The following SGSM2 variants were observed in gnomAD, a reference collection of about 807,000 sequenced individuals.
SGSM2 encodes the protein RUN and TBC1 domain containing 1.
In SGSM2, 89 loss-of-function variants were observed where a neutral mutation model predicts 126.6. That is an observed-to-expected ratio of 0.70 (90% CI 0.59 to 0.84). The LOEUF (loss-of-function observed/expected upper bound fraction) is 0.84. Among genes scored for constraint, SGSM2 ranks in the 40% least tolerant of loss-of-function variants. SGSM2 has a pLI of 0.00. For synonymous variants in SGSM2, 614 were observed against 574.3 expected, an observed-to-expected ratio of 1.07 and a Z score of -0.99; for missense variants, 1,404 against 1,416.6, an observed-to-expected ratio of 0.99 and a Z score of 0.14.
intron 1 of SGSM2, among the ~76,000 whole-genome samples, chr17:2,340,608 G>GCAA (rs1597296244): frequency 6.8e-6 from 1 of 147,138 alleles, no homozygotes; most frequent in East Asian, 2.0e-4. Flanking sequence ...TTTTTGAGAT[G>GCAA]GAGTCTCGCT....
intron 2 of SGSM2, among the ~76,000 whole-genome samples, chr17:2,349,788 G>GATTTTT (rs138851417): frequency 6.8e-6 from 1 of 147,516 alleles, no homozygotes; most frequent in African/African-American, 2.5e-5. Context: ...CTAGTGAAAT[G>GATTTTT]TTTTGTTTTT....
intron 1 of SGSM2, among the ~76,000 whole-genome samples, chr17:2,339,058 CAAAAA>C (rs1166275303): frequency 7.4e-6 from 1 of 135,032 alleles, no homozygotes; most frequent in African/African-American, 2.7e-5. Flanking sequence ...GACTCCGTCT[CAAAAA>C]AAAAAAAGTT....
Position 2,380,037 on chromosome 17 carries a change from TGCGGGAGACCCGGGC to T in SGSM2, c.*518_*532del. Reference sequence around the variant, plus strand: ...TTCTGGTTTAGGCACACGTCACGGGTGCGGGAGACCCGGGCACGGGAGACCCGGGCCGCCTTCAGG... The same window carrying T: ...TTCTGGTTTAGGCACACGTCACGGGTACGGGAGACCCGGGCCGCCTTCAGG... On this transcript the variant is annotated 3_prime_UTR_variant, in exon 24 of 24. Coordinates refer to ENST00000268989, the MANE Select transcript of SGSM2 (RefSeq NM_014853.3). 7.8e-6 allele frequency: 11 copies of T among 1,406,972 alleles called. No individual in the cohort carries two copies. Among genetic ancestry groups the T allele is most frequent in the South Asian group, 1.6e-5 (1 of 63,274 alleles). 87.2% of individuals were successfully genotyped at this position (1,406,972 alleles called of 1,614,324 possible). A position where few individuals can be genotyped will look rare whatever the true frequency, so the allele number is the denominator to read the frequency against.
chr17:2,343,833 C>T (rs113570045), intron 2 of SGSM2, among the ~76,000 whole-genome samples: 3 of 152,184 alleles, frequency 2.0e-5, no homozygotes, highest in African/African-American at 7.2e-5. Context: ...TTTTTTGTTC[C>T]CCAGGATAGT....
rs2065673284 is a variant in SGSM2, at chr17:2,367,951, G to T, written c.1423+546G>T. Among the ~76,000 whole-genome samples, 1 of 152,228 alleles carries T rather than the reference G, an allele frequency of 6.6e-6. No individual in the cohort carries two copies. The highest frequency in any genetic ancestry group is 2.4e-5 in the African/African-American group (1 of 41,462). ...AGGCCTGAGGGCCCCAGCCGGCAGG[G>T]CCTGGTACTTTGGCATGAAATCTAG... On this transcript the variant is annotated intron_variant, in intron 12 of 23. Transcript: ENST00000268989. The surrounding 1 kb of genome is among the most constrained non-coding windows in gnomAD (Gnocchi z 4.0).
At position 2,372,642 on chromosome 17, in the gene SGSM2, C is replaced by A; in HGVS notation, c.1788+154C>A. ...CCCGGCAGAATCTCTTGCAGCTGGGCCTGGGGCTGACACGGGAAGGGGGCT... is the reference window on the plus strand; with the variant it reads ...CCCGGCAGAATCTCTTGCAGCTGGGACTGGGGCTGACACGGGAAGGGGGCT... On this transcript the variant is annotated intron_variant, in intron 15 of 23. Transcript: ENST00000268989. This position sits in a 1 kb window ranked among gnomAD's most constrained non-coding sequence, Gnocchi z 6.0. 1 of 1,131,688 alleles carries A rather than the reference C, an allele frequency of 8.8e-7. No individual in the cohort carries two copies. The highest frequency in any genetic ancestry group is 1.3e-6 in the Non-Finnish European group (1 of 791,570). The allele number at this position is 1,131,688 out of a possible 1,614,324, so 70.1% of individuals were successfully genotyped here.
chr17:2,363,349 G>A lies in SGSM2; in HGVS notation c.673-116G>A, dbSNP rs551449698. ...AGCAGAGGGTGGCTGGGAGTAAACC[G>A]GGGCAGGAAGGACCCCTGGGGTCAG... On this transcript the variant is annotated intron_variant, in intron 6 of 23. Coordinates refer to ENST00000268989, the MANE Select transcript of SGSM2 (RefSeq NM_014853.3). The surrounding 1 kb of genome is among the most constrained non-coding windows in gnomAD (Gnocchi z 4.2). 5.1e-5 allele frequency: 77 copies of A among 1,502,006 alleles called. No homozygotes were observed. Among genetic ancestry groups the A allele is most frequent in the African/African-American group, 3.5e-4 (25 of 71,998 alleles). The allele number at this position is 1,502,006 out of a possible 1,614,324, so 93.0% of individuals were successfully genotyped here.
chr17:2,338,668 A>G (rs993354242), intron 1 of SGSM2, among the ~76,000 whole-genome samples: 1 of 151,770 alleles, frequency 6.6e-6, no homozygotes, highest in Non-Finnish European at 1.5e-5. Context: ...TTGGTAAATA[A>G]ATGTGCTGAT....
chr17:2,362,847 C>A lies in SGSM2; in HGVS notation c.468C>A (p.Tyr156Ter). The change falls in exon 5 of 24, where the codon TAC (tyrosine) becomes TAA (stop). Residue 156 changes from tyrosine to a stop codon, truncating the protein, a stop_gained. Transcript: ENST00000268989. LOFTEE classifies it high-confidence loss of function. The surrounding 1 kb of genome is among the most constrained non-coding windows in gnomAD (Gnocchi z 4.9). Reference sequence around the variant, plus strand: ...GTCTGTCTCCTGGCAGCAAGTACTACGAGAAGGAGGCACTGCTGGCAGACC... The same window carrying A: ...GTCTGTCTCCTGGCAGCAAGTACTAAGAGAAGGAGGCACTGCTGGCAGACC... ...QYLAENCSKY[Y>*]EKEALLADPV... 6.2e-7 allele frequency: 1 copy of A among 1,614,074 alleles called. No homozygotes were observed. The highest frequency in any genetic ancestry group is 8.5e-7 in the Non-Finnish European group (1 of 1,180,028).
rs1435703817 is a variant in SGSM2 at position 2,363,802 on chromosome 17, G to A, written c.807+203G>A. The stretch of plus-strand genomic sequence containing the variant: ...ACAGGAATGGCAGCCAGCAGGCGAG[G>A]GGAGTCCGCAGTGTGGGTATGGCTG... On this transcript the variant is annotated intron_variant, in intron 7 of 23. Coordinates refer to ENST00000268989, the MANE Select transcript of SGSM2 (RefSeq NM_014853.3). This position sits in a 1 kb window ranked among gnomAD's most constrained non-coding sequence, Gnocchi z 4.2. The A allele has an allele frequency of 3.4e-6, 3 of 872,294 alleles. No homozygotes were observed. Among genetic ancestry groups the A allele is most frequent in the Non-Finnish European group, 5.2e-6 (3 of 580,460 alleles). 54.0% of individuals were successfully genotyped at this position (872,294 alleles called of 1,614,324 possible). A position where few individuals can be genotyped will look rare whatever the true frequency, so the allele number is the denominator to read the frequency against.
Position 2,337,763 on chromosome 17 carries a change from A to T in SGSM2, c.57+18A>T, listed in dbSNP as rs550595255. On this transcript the variant is annotated intron_variant, in intron 1 of 23. Transcript: ENST00000268989. This position sits in a 1 kb window ranked among gnomAD's most constrained non-coding sequence, Gnocchi z 5.1. The stretch of plus-strand genomic sequence containing the variant: ...AGAAGGAGGTAAAGTCGAGTCAAGA[A>T]CCCCGGGGGGCTCGCGCCCTGGCCC... 1 of 1,511,958 alleles carries T rather than the reference A, an allele frequency of 6.6e-7. No homozygotes were observed. The highest frequency in any genetic ancestry group is 2.0e-5 in the Admixed American group (1 of 50,174). 93.7% of individuals were successfully genotyped at this position (1,511,958 alleles called of 1,614,324 possible).
At position 2,379,139 on chromosome 17, in the gene SGSM2, G is replaced by GGCC; in HGVS notation, c.3004_3006dup (p.Ala1002dup). On this transcript the variant is annotated inframe_insertion, in exon 23 of 24. Transcript: ENST00000268989. ...TGTTCATCGCCCTCGCCCTGGTGGAGGCCTACCGAGAGATCATCCGTGACA... is the reference window on the plus strand; with the variant it reads ...TGTTCATCGCCCTCGCCCTGGTGGAGGCCGCCTACCGAGAGATCATCCGTGACA... The GGCC allele has an allele frequency of 6.2e-7, 1 of 1,614,174 alleles. No homozygotes were observed. Among genetic ancestry groups the GGCC allele is most frequent in the Non-Finnish European group, 8.5e-7 (1 of 1,180,030 alleles).
chr17:2,361,510 G>C (rs1037794393), intron 2 of SGSM2, 127 bp from the exon 3 acceptor site: 3 of 1,175,574 alleles, frequency 2.6e-6, no homozygotes, highest in Admixed American at 4.5e-5. Context: ...GGAAGCCAGG[G>C]TATCTCCCTG....
At position 2,363,559 on chromosome 17, in the gene SGSM2, C is replaced by G; in HGVS notation, c.767C>G (p.Thr256Arg). 3.7e-6 allele frequency: 6 copies of G among 1,613,448 alleles called. No homozygotes were observed. The highest frequency in any genetic ancestry group is 4.2e-6 in the Non-Finnish European group (5 of 1,179,948). Reference protein sequence around the residue: ...CVESLHQNSRTRLLYGKNHVL... With the variant: ...CVESLHQNSRRRLLYGKNHVL... ...GAGTCCCTGCACCAGAACTCACGGA[C>G]GCGGCTGCTCTATGGCAAGAACCAC... The change falls in exon 7 of 24, where the codon ACG becomes AGG. Residue 256 changes from threonine (T) to arginine (R), a missense_variant. Transcript: ENST00000268989. This position sits in a 1 kb window ranked among gnomAD's most constrained non-coding sequence, Gnocchi z 4.2.
chr17:2,339,583 G>A (rs576733946), intron 1 of SGSM2, among the ~76,000 whole-genome samples: 3 of 151,858 alleles, frequency 2.0e-5, no homozygotes, highest in South Asian at 4.2e-4. Context: ...GCGTGGTGGC[G>A]GGCGAATGTA....
rs756570340 is a variant in SGSM2 at position 2,362,769 on chromosome 17, C to T, written c.459-69C>T. The stretch of plus-strand genomic sequence containing the variant: ...TCTGGTCTTTGTGGGGATGTCCCTA[C>T]CTGGTGAGCTTGACTGCCCTGGAAT... On this transcript the variant is annotated intron_variant, in intron 4 of 23. Coordinates refer to ENST00000268989, the MANE Select transcript of SGSM2 (RefSeq NM_014853.3). This position sits in a 1 kb window ranked among gnomAD's most constrained non-coding sequence, Gnocchi z 4.9. 411 of 1,501,028 alleles carry T rather than the reference C, an allele frequency of 2.7e-4. No homozygotes were observed. The highest frequency in any genetic ancestry group is 3.7e-4 in the Non-Finnish European group (395 of 1,081,382). 93.0% of individuals were successfully genotyped at this position (1,501,028 alleles called of 1,614,324 possible). A position where few individuals can be genotyped will look rare whatever the true frequency, so the allele number is the denominator to read the frequency against.
intron 12 of SGSM2, among the ~76,000 whole-genome samples, chr17:2,368,257 C>CAGAGCTGGCTTGGT (rs1389068814): frequency 6.6e-6 from 1 of 152,142 alleles, no homozygotes; most frequent in Non-Finnish European, 1.5e-5. Flanking sequence ...TTTCCTAGCA[C>CAGAGCTGGCTTGGT]AGAGCTGGCT....
chr17:2,374,756 C>CT (rs1459198528), intron 17 of SGSM2, among the ~76,000 whole-genome samples: 1 of 152,232 alleles, frequency 6.6e-6, no homozygotes, highest in Non-Finnish European at 1.5e-5. Context: ...TAGCTCCTCG[C>CT]TGGCGTATTA....
At chr17:2,349,829 C>T (rs1401052103) in intron 2 of SGSM2, among the ~76,000 whole-genome samples, 2 of 151,462 alleles carry the variant, frequency 1.3e-5, no homozygotes, top group East Asian at 1.9e-4. Flanking sequence ...CCTCTGTCGC[C>T]CAGGCTGGAG....
Sources: gnomAD v4.1 joint callset for allele counts (sites outside exome capture counted in the v4.1 genomes callset) on GRCh38, gnomAD v4.1.1 for gene constraint, Gnocchi (gnomAD v3.1) non-coding constraint, MANE v1.5 for transcripts, NCBI Gene and HGNC (gene_info 2026-07-23, HGNC 2026-07-21) for gene names.